SMC1B: variants seen among roughly 807,000 people sequenced by gnomAD.
SMC1B encodes structural maintenance of chromosomes protein 1B.
SMC1B carries 60 observed loss-of-function variants against 157.9 expected under a neutral mutation model. The ratio of observed to expected loss-of-function variants is 0.38; its 90% CI spans 0.31 to 0.47. The LOEUF (loss-of-function observed/expected upper bound fraction) is 0.47. Among genes scored for constraint, SMC1B ranks in the 20% least tolerant of loss-of-function variants. The probability of loss-of-function intolerance (pLI) is 0.99; values close to 1 mark genes in which losing one functional copy is unlikely to be tolerated. For missense variants in SMC1B, 1,165 were observed against 1,426.2 expected (o/e 0.82, Z 2.95); for synonymous variants, 445 against 483.0 (o/e 0.92, Z 1.03).
In SMC1B at chr22:45,408,622, A is replaced by G. The variant is rs2087291835; in HGVS notation, c.298+88T>C. On this transcript the variant is annotated intron_variant, in intron 2 of 24. Coordinates refer to ENST00000357450, the MANE Select transcript of SMC1B (RefSeq NM_148674.5). ...CTCTAGTTCATTACACCAGTAGAAT[A>G]ATAAACCATACCCTCCAAAGAAAGA... The G allele has an allele frequency of 6.9e-6, 6 of 867,832 alleles. 1 individual carries two copies. In the South Asian group the frequency reaches 1.1e-4, roughly 16 times the overall value. 53.8% of individuals were successfully genotyped at this position (867,832 alleles called of 1,614,324 possible).
chr22:45,412,498 CTTTTTTTT>C (rs56894434), intron 1 of SMC1B, among the ~76,000 whole-genome samples: 3 of 65,414 alleles, frequency 4.6e-5, no homozygotes, highest in African/African-American at 7.0e-5. Context: ...CGCGCCCAGC[CTTTTTTTT>C]TTTTTTTTTT....
chr22:45,357,939 G>A (rs757652695), intron 19 of SMC1B, among the ~76,000 whole-genome samples: 2 of 152,220 alleles, frequency 1.3e-5, no homozygotes, highest in East Asian at 3.8e-4. Context: ...GGTGATTGGA[G>A]GGCTGGAACC....
intron 12 of SMC1B, among the ~76,000 whole-genome samples, chr22:45,372,528 G>A (rs944956126): frequency 6.6e-6 from 1 of 152,076 alleles, no homozygotes; most frequent in Non-Finnish European, 1.5e-5. Flanking sequence ...AATTGGGAAT[G>A]GAAAATGAAG....
At chr22:45,413,379 C>T in intron 1 of SMC1B, 80 bp downstream of exon 1, 2 of 1,162,798 alleles carry the variant, frequency 1.7e-6, no homozygotes, top group Non-Finnish European at 2.4e-6. Flanking sequence ...CGGCAGACGC[C>T]CACACCCCAC....
chr22:45,348,674 G>C (rs1364502931), intron 23 of SMC1B, among the ~76,000 whole-genome samples: 2 of 151,376 alleles, frequency 1.3e-5, no homozygotes, highest in Non-Finnish European at 2.9e-5. Context: ...AGACTACCCT[G>C]AATCAACTTG....
intron 22 of SMC1B, 136 bp downstream of exon 22, chr22:45,352,315 A>G: frequency 1.3e-6 from 1 of 743,458 alleles, no homozygotes; most frequent in Non-Finnish European, 2.0e-6. Context: ...CATAATCTGA[A>G]TTGTCTGGCT....
At chr22:45,361,520 G>A (rs995697752) in intron 17 of SMC1B, among the ~76,000 whole-genome samples, 10 of 152,100 alleles carry the variant, frequency 6.6e-5, no homozygotes, top group Non-Finnish European at 1.3e-4. Flanking sequence ...CAGCTACTTG[G>A]GGGAGACTAA....
At chr22:45,364,818 C>G (rs1458849138) in intron 15 of SMC1B, among the ~76,000 whole-genome samples, 2 of 139,118 alleles carry the variant, frequency 1.4e-5, no homozygotes, top group Non-Finnish European at 3.1e-5. Flanking sequence ...TGTAGGATCT[C>G]TTTTCCTTTT....
At chr22:45,392,846 G>A (rs1053267041) in intron 9 of SMC1B, among the ~76,000 whole-genome samples, 7 of 151,994 alleles carry the variant, frequency 4.6e-5, no homozygotes, top group South Asian at 2.1e-4. Context: ...TATTATAGGC[G>A]CCTGCCACAA....
chr22:45,388,283 AG>A (rs1234517028), intron 10 of SMC1B, among the ~76,000 whole-genome samples: 2 of 152,178 alleles, frequency 1.3e-5, no homozygotes, highest in Non-Finnish European at 2.9e-5. Flanking sequence ...GGGAATATGT[AG>A]TTATATACAT....
chr22:45,379,157 T>C (rs532115571), intron 12 of SMC1B, among the ~76,000 whole-genome samples: 33 of 152,268 alleles, frequency 2.2e-4, no homozygotes, highest in South Asian at 1.0e-3. Context: ...AATTTTTGTA[T>C]TTTTAGTAGA....
intron 12 of SMC1B, among the ~76,000 whole-genome samples, chr22:45,381,310 G>A (rs572413835): frequency 1.1e-4 from 17 of 152,136 alleles, no homozygotes; most frequent in South Asian, 2.1e-4. Flanking sequence ...CACCCCACAA[G>A]GATTTTCTAT....
intron 23 of SMC1B, among the ~76,000 whole-genome samples, chr22:45,349,282 TG>T (rs1281446899): frequency 6.6e-6 from 1 of 152,164 alleles, no homozygotes; most frequent in African/African-American, 2.4e-5. Context: ...CCCAAAGTGC[TG>T]GGATTACAGG....
At chr22:45,357,506 G>A (rs1320719442) in intron 19 of SMC1B, among the ~76,000 whole-genome samples, 1 of 152,226 alleles carries the variant, frequency 6.6e-6, no homozygotes. Flanking sequence ...GGATGCTGGA[G>A]TAAGTAGTTG....
At chr22:45,409,812 C>T (rs1436618567) in intron 1 of SMC1B, among the ~76,000 whole-genome samples, 1 of 152,144 alleles carries the variant, frequency 6.6e-6, no homozygotes, top group Non-Finnish European at 1.5e-5. Context: ...AAGAATGGCT[C>T]ACAGTGCCTA....
At chr22:45,356,232 C>T (rs938210051) in intron 19 of SMC1B, among the ~76,000 whole-genome samples, 6 of 152,144 alleles carry the variant, frequency 3.9e-5, no homozygotes, top group African/African-American at 1.2e-4. Context: ...ACCACATGTA[C>T]TTAGACTTAG....
At chr22:45,384,864 T>G (rs1367734635) in intron 11 of SMC1B, among the ~76,000 whole-genome samples, 2 of 152,224 alleles carry the variant, frequency 1.3e-5, no homozygotes, top group Admixed American at 1.3e-4. Flanking sequence ...TTATTCCAGG[T>G]GGTAACCAGC....
At chr22:45,354,381 T>C (rs1017262602) in intron 20 of SMC1B, among the ~76,000 whole-genome samples, 3 of 151,952 alleles carry the variant, frequency 2.0e-5, no homozygotes, top group African/African-American at 7.2e-5. Flanking sequence ...TATGTATGTA[T>C]GTAAGTATGT....
intron 12 of SMC1B, among the ~76,000 whole-genome samples, chr22:45,379,060 G>A (rs1409222925): frequency 6.6e-6 from 1 of 152,072 alleles, no homozygotes; most frequent in Non-Finnish European, 1.5e-5. Context: ...TTGGCTCACT[G>A]CAACCTCTGC....
Sources: gnomAD v4.1 joint callset for allele counts (sites outside exome capture counted in the v4.1 genomes callset) on GRCh38, gnomAD v4.1.1 for gene constraint, MANE v1.5 for transcripts, NCBI Gene and HGNC (gene_info 2026-07-23, HGNC 2026-07-21) for gene names.